Variants in CORO2A observed in about 807,000 individuals in gnomAD.
The protein encoded by CORO2A is coronin-2A.
CORO2A carries 47 observed loss-of-function variants against 62.4 expected under a neutral mutation model. The observed-to-expected ratio is 0.75, with a 90% CI of 0.60 to 0.96. The LOEUF is 0.96. CORO2A is among the 40% of genes least tolerant of loss of function. The probability of loss-of-function intolerance (pLI) is 0.00; values close to 1 mark genes in which losing one functional copy is unlikely to be tolerated. For synonymous variants in CORO2A, 273 were observed against 268.9 expected, an observed-to-expected ratio of 1.02 and a Z score of -0.15; for missense variants, 610 against 684.1, an observed-to-expected ratio of 0.89 and a Z score of 1.21.
intron 1 of CORO2A, among the ~76,000 whole-genome samples, chr9:98,164,411 C>T (rs1186733435): frequency 1.3e-5 from 2 of 152,210 alleles, no homozygotes; most frequent in Non-Finnish European, 2.9e-5. Flanking sequence ...CATCCAGAAT[C>T]CTTATGGGGT....
At chr9:98,166,112 C>T (rs184591627) in intron 1 of CORO2A, among the ~76,000 whole-genome samples, 1 of 152,306 alleles carries the variant, frequency 6.6e-6, no homozygotes, top group East Asian at 1.9e-4. Flanking sequence ...TGTAACTGTG[C>T]ACACAGAGTA....
At chr9:98,175,552 T>C (rs1440294630) in intron 1 of CORO2A, among the ~76,000 whole-genome samples, 1 of 152,186 alleles carries the variant, frequency 6.6e-6, no homozygotes, top group East Asian at 1.9e-4. Context: ...TGGGCTCCAG[T>C]GTCTCAACCC....
At chr9:98,146,491 C>A (rs548602952) in intron 2 of CORO2A, among the ~76,000 whole-genome samples, 1 of 152,230 alleles carries the variant, frequency 6.6e-6, no homozygotes, top group South Asian at 2.1e-4. Flanking sequence ...AGAAGGACTT[C>A]CTGCACGCTG....
intron 1 of CORO2A, among the ~76,000 whole-genome samples, chr9:98,168,207 G>T (rs184794012): frequency 2.6e-5 from 4 of 152,358 alleles, no homozygotes. Flanking sequence ...AATCACAGAT[G>T]AAACCATACA....
chr9:98,126,735 G>A lies in CORO2A; in HGVS notation c.1260C>T (p.Ala420=). The A allele has an allele frequency of 6.2e-7, 1 of 1,614,164 alleles. No homozygotes were observed. The highest frequency in any genetic ancestry group is 8.5e-7 in the Non-Finnish European group (1 of 1,180,040). Residue 420 remains alanine, a synonymous_variant, in exon 11 of 12, where the codon GCC becomes GCT. Transcript: ENST00000375077. ...GATTCAAGAGCCGGGGTGAGGCTGG[G>A]GCCATGGAATTGAAGATAGGTCTCT... ...PAERPIFNSM[A]PASPRLLNQT...
At chr9:98,158,836 A>AAC (rs34090994) in intron 1 of CORO2A, among the ~76,000 whole-genome samples, 11,799 of 149,292 alleles carry the variant, frequency 0.079, 1,033 homozygotes, top group African/African-American at 0.22. Context: ...AAAAGAAGAA[A>AAC]ACACACACAC....
At chr9:98,163,546 G>A (rs550238006) in intron 1 of CORO2A, among the ~76,000 whole-genome samples, 2 of 152,260 alleles carry the variant, frequency 1.3e-5, no homozygotes, top group South Asian at 2.1e-4. Context: ...AAGGTAGGTG[G>A]GGATTATTTT....
intron 1 of CORO2A, among the ~76,000 whole-genome samples, chr9:98,173,907 G>A (rs1163153919): frequency 2.6e-5 from 4 of 152,012 alleles, no homozygotes; most frequent in African/African-American, 7.2e-5. Flanking sequence ...ACCTGAGATC[G>A]GGAGTTCGAG....
chr9:98,134,127 C>T (rs758202512), intron 4 of CORO2A, among the ~76,000 whole-genome samples: 1 of 152,182 alleles, frequency 6.6e-6, no homozygotes, highest in African/African-American at 2.4e-5. Context: ...AAGGAAAGAA[C>T]TGAAAGGCCA....
intron 4 of CORO2A, among the ~76,000 whole-genome samples, chr9:98,133,569 C>T (rs1383098883): frequency 2.0e-5 from 3 of 152,188 alleles, no homozygotes; most frequent in Non-Finnish European, 4.4e-5. Context: ...TTTAGCTGCA[C>T]AGGCTGTGCA....
At chr9:98,130,810 G>A (rs965525045) in intron 7 of CORO2A, 145 bp downstream of exon 7, 1 of 640,160 alleles carries the variant, frequency 1.6e-6, no homozygotes, top group South Asian at 2.0e-5. Flanking sequence ...AGGGAGCCAG[G>A]AGGGTGGGAG....
At chr9:98,161,953 G>A (rs920637643) in intron 1 of CORO2A, among the ~76,000 whole-genome samples, 2 of 152,166 alleles carry the variant, frequency 1.3e-5, no homozygotes, top group Non-Finnish European at 2.9e-5. Flanking sequence ...GGAGTGAGGA[G>A]GCCGTGAGAG....
rs1827380972 is a variant in CORO2A at position 98,129,887 on chromosome 9, C to T, written c.874G>A (p.Asp292Asn). Residue 292 changes from aspartate to asparagine, a missense_variant, in exon 8 of 12, where the codon GAT becomes AAT. Coordinates refer to ENST00000375077, the MANE Select transcript of CORO2A (RefSeq NM_052820.4). ...ACCTCGTAGTAGCGGATGTTGCCAT[C>T]TCCCTGAGGAGGAGGAGAAGGAAGA... is the stretch of plus-strand genomic sequence containing the variant. ...TSMLYVVGKG[D>N]GNIRYYEVSA... 1 of 1,613,042 alleles carries T rather than the reference C, an allele frequency of 6.2e-7. No homozygotes were observed. Among genetic ancestry groups the T allele is most frequent in the Non-Finnish European group, 8.5e-7 (1 of 1,179,328 alleles).
At chr9:98,133,250 G>A (rs1827436925) in intron 4 of CORO2A, 33 bp from the exon 5 acceptor site, 1 of 1,608,344 alleles carries the variant, frequency 6.2e-7, no homozygotes, top group African/African-American at 1.3e-5. Flanking sequence ...TGAGCACAGG[G>A]GCCACCTTGC....
Position 98,123,495 on chromosome 9 carries a change from CTT to C in CORO2A, c.*1277_*1278del, listed in dbSNP as rs778918442. The C allele has an allele frequency of 2.1e-4, 31 of 144,434 alleles. No homozygotes were observed. Among genetic ancestry groups the C allele is most frequent in the East Asian group, 3.9e-4 (2 of 5,082 alleles). 8.9% of individuals were successfully genotyped at this position (144,434 alleles called of 1,614,324 possible). On this transcript the variant is annotated 3_prime_UTR_variant, in exon 12 of 12. Transcript: ENST00000375077. Reference sequence around the variant, plus strand: ...CTTAGTCTTCCCCTATTCTCTCTCTCTTTTTTTTTTTTTTTTTGGAGATGGAG... The same window carrying C: ...CTTAGTCTTCCCCTATTCTCTCTCTCTTTTTTTTTTTTTTTGGAGATGGAG...
intron 9 of CORO2A, 130 bp downstream of exon 9, chr9:98,128,477 C>T: frequency 1.2e-6 from 1 of 843,352 alleles, no homozygotes; most frequent in South Asian, 1.5e-5. Context: ...GTCACACTGG[C>T]TGTGAGAAAG....
rs544580235 is a variant in CORO2A at position 98,133,330 on chromosome 9, C to A, written c.469-113G>T. ...CAGTATCCCTGGGAGGGTGGCGCAGCTGGCAGCCTGGCCAAGAAGCCTCAG... is the reference window on the plus strand; with the variant it reads ...CAGTATCCCTGGGAGGGTGGCGCAGATGGCAGCCTGGCCAAGAAGCCTCAG... On this transcript the variant is annotated intron_variant, in intron 4 of 11. Coordinates refer to ENST00000375077, the MANE Select transcript of CORO2A (RefSeq NM_052820.4). 1.4e-5 allele frequency: 14 copies of A among 1,016,310 alleles called. No homozygotes were observed. The East Asian group carries it at 2.8e-4, about 20-fold the overall frequency. The allele number at this position is 1,016,310 out of a possible 1,614,324, so 63.0% of individuals were successfully genotyped here.
chr9:98,128,232 G>A lies in CORO2A; in HGVS notation c.1109C>T (p.Pro370Leu), dbSNP rs1587990385. ...RSESYQEDIY[P>L]PTAGAQPSLT... ...GGAGGGCTGGGCCCCTGCTGTTGGA[G>A]GGTATATGTCCTCTTGGTAGGATTC... The change falls in exon 10 of 12, where the codon CCT becomes CTT. Residue 370 changes from proline to leucine, a missense_variant. Transcript: ENST00000375077. 1 of 1,612,758 alleles carries A rather than the reference G, an allele frequency of 6.2e-7. No individual in the cohort carries two copies. Among genetic ancestry groups the A allele is most frequent in the South Asian group, 1.1e-5 (1 of 90,732 alleles).
chr9:98,133,943 G>C (rs1827447722), intron 4 of CORO2A, among the ~76,000 whole-genome samples: 1 of 151,916 alleles, frequency 6.6e-6, no homozygotes, highest in African/African-American at 2.4e-5. Flanking sequence ...TTTTTGTAGA[G>C]ATGGGGTCTC....
Sources: gnomAD v4.1 joint callset for allele counts (sites outside exome capture counted in the v4.1 genomes callset) on GRCh38, gnomAD v4.1.1 for gene constraint, MANE v1.5 for transcripts, NCBI Gene and HGNC (gene_info 2026-07-23, HGNC 2026-07-21) for gene names.